CHST8: variants seen among roughly 807,000 people sequenced by gnomAD.
CHST8 encodes the protein carbohydrate sulfotransferase 8, also known as GALNAC-4-ST1.
In CHST8, 10 loss-of-function variants were observed where a neutral mutation model predicts 15.0. That is an observed-to-expected ratio of 0.67 (90% CI 0.41 to 1.13). CHST8 has a LOEUF of 1.13. CHST8 is among the 50% of genes most tolerant of loss of function. The probability of loss-of-function intolerance (pLI) is 0.00; values close to 1 mark genes in which losing one functional copy is unlikely to be tolerated. For synonymous variants in CHST8, 259 were observed against 256.6 expected, an observed-to-expected ratio of 1.01 and a Z score of -0.09; for missense variants, 634 against 608.2, an observed-to-expected ratio of 1.04 and a Z score of -0.45.
At chr19:33,733,861 C>T (rs1974036232) in intron 3 of CHST8, among the ~76,000 whole-genome samples, 1 of 152,202 alleles carries the variant, frequency 6.6e-6, no homozygotes, top group Non-Finnish European at 1.5e-5. Context: ...TCTCAACGGC[C>T]CACACACCAT....
chr19:33,733,382 CACA>C (rs1974028374), intron 3 of CHST8, among the ~76,000 whole-genome samples: 1 of 151,958 alleles, frequency 6.6e-6, no homozygotes, highest in Non-Finnish European at 1.5e-5. Context: ...TACAGGCCCC[CACA>C]ACAATGCCCA....
chr19:33,653,885 A>G (rs7259724), intron 1 of CHST8, among the ~76,000 whole-genome samples: 37,831 of 152,020 alleles, frequency 0.25, 5,507 homozygotes, highest in African/African-American at 0.38. Context: ...CTCTGTACTG[A>G]CACTGACACA....
chr19:33,741,987 C>T (rs892476600), intron 3 of CHST8, among the ~76,000 whole-genome samples: 3 of 152,092 alleles, frequency 2.0e-5, no homozygotes, highest in African/African-American at 7.2e-5. Flanking sequence ...ACCTGGTACC[C>T]TATGTGCCCT....
intron 3 of CHST8, among the ~76,000 whole-genome samples, chr19:33,695,829 T>C (rs200514262): frequency 3.5e-4 from 30 of 86,594 alleles, no homozygotes; most frequent in East Asian, 7.0e-4. Context: ...TTCTTTTTTT[T>C]TTTTTTTTTT....
At chr19:33,705,608 G>A (rs56023130) in intron 3 of CHST8, among the ~76,000 whole-genome samples, 11,696 of 152,198 alleles carry the variant, frequency 0.077, 872 homozygotes, top group East Asian at 0.39. Context: ...CTGGAGATGC[G>A]GGTGTGGGTG....
chr19:33,650,355 G>C (rs1600236678), intron 1 of CHST8, among the ~76,000 whole-genome samples: 2 of 151,806 alleles, frequency 1.3e-5, no homozygotes, highest in East Asian at 3.9e-4. Context: ...CAGATCCTTT[G>C]CCCATAAATT....
chr19:33,759,932 C>T (rs930233031), intron 3 of CHST8, among the ~76,000 whole-genome samples: 2 of 152,148 alleles, frequency 1.3e-5, no homozygotes, highest in Non-Finnish European at 2.9e-5. Context: ...CACTGCAAAC[C>T]AGGCTGCTCC....
intron 1 of CHST8, among the ~76,000 whole-genome samples, chr19:33,652,844 C>T (rs1301507090): frequency 1.3e-5 from 2 of 152,052 alleles, no homozygotes; most frequent in Non-Finnish European, 2.9e-5. Context: ...TTTATTCTCC[C>T]AGTGTTTACC....
intron 3 of CHST8, among the ~76,000 whole-genome samples, chr19:33,757,532 GAAA>G (rs1974615065): frequency 2.1e-5 from 1 of 46,888 alleles, no homozygotes; most frequent in South Asian, 6.9e-4. Context: ...GAGAAAGAAA[GAAA>G]GAAAGAAAGA....
At chr19:33,679,905 A>G (rs979695764) in intron 2 of CHST8, among the ~76,000 whole-genome samples, 4 of 152,170 alleles carry the variant, frequency 2.6e-5, no homozygotes, top group African/African-American at 9.7e-5. Flanking sequence ...CTCATCTGAG[A>G]TCACGCCCTT....
intron 3 of CHST8, among the ~76,000 whole-genome samples, chr19:33,752,029 A>T (rs553045627): frequency 6.6e-6 from 1 of 152,302 alleles, no homozygotes; most frequent in African/African-American, 2.4e-5. Flanking sequence ...CCAACCCTGC[A>T]CCTAGGATTG....
chr19:33,744,112 C>T (rs1031614605), intron 3 of CHST8, among the ~76,000 whole-genome samples: 5 of 152,166 alleles, frequency 3.3e-5, no homozygotes, highest in African/African-American at 4.8e-5. Context: ...TTGTCTACCC[C>T]GCACACCCTG....
chr19:33,674,043 C>T (rs113345447), intron 2 of CHST8, among the ~76,000 whole-genome samples: 3,134 of 152,266 alleles, frequency 0.021, 62 homozygotes, highest in African/African-American at 0.052. Context: ...CATAAGCCAC[C>T]GCACCCAGCC....
At chr19:33,742,610 C>T (rs1339539806) in intron 3 of CHST8, among the ~76,000 whole-genome samples, 1 of 152,198 alleles carries the variant, frequency 6.6e-6, no homozygotes, top group Admixed American at 6.5e-5. Context: ...TTCATTTCAA[C>T]ATGAGATTTG....
At chr19:33,765,112 G>C (rs1295363578) in intron 3 of CHST8, among the ~76,000 whole-genome samples, 1 of 140,384 alleles carries the variant, frequency 7.1e-6, no homozygotes, top group Non-Finnish European at 1.5e-5. Context: ...ATGGGCATTT[G>C]GGTTGGTTGA....
chr19:33,696,685 T>G (rs562675310), intron 3 of CHST8, among the ~76,000 whole-genome samples: 1 of 152,034 alleles, frequency 6.6e-6, no homozygotes, highest in African/African-American at 2.4e-5. Flanking sequence ...AAAATTGTCT[T>G]CCACGAAACT....
At chr19:33,745,677 T>A (rs2145348005) in intron 3 of CHST8, among the ~76,000 whole-genome samples, 1 of 152,344 alleles carries the variant, frequency 6.6e-6, no homozygotes, top group African/African-American at 2.4e-5. Context: ...GGGGATTTAG[T>A]CTGCCAGTCC....
chr19:33,690,352 T>G (rs1261319781), intron 3 of CHST8, among the ~76,000 whole-genome samples: 6 of 152,164 alleles, frequency 3.9e-5, no homozygotes, highest in African/African-American at 1.4e-4. Flanking sequence ...GCAGAGGGGT[T>G]GCTGCGTAAA....
intron 3 of CHST8, among the ~76,000 whole-genome samples, chr19:33,699,386 G>A (rs796838752): frequency 1.2e-4 from 19 of 152,172 alleles, no homozygotes; most frequent in African/African-American, 2.7e-4. Context: ...CTGGCTCAGC[G>A]GCGCCTGGGG....
Sources: gnomAD v4.1 joint callset for allele counts (sites outside exome capture counted in the v4.1 genomes callset) on GRCh38, gnomAD v4.1.1 for gene constraint, MANE v1.5 for transcripts, NCBI Gene and HGNC (gene_info 2026-07-23, HGNC 2026-07-21) for gene names.